Variants in LOC128462377 observed in about 807,000 individuals in gnomAD.
chr16:89,323,005 G>A, the LOC128462377 span: 18 of 296,400 alleles, frequency 6.1e-5, no homozygotes, highest in Admixed American at 1.4e-4. Context: ...CACCATGCCC[G>A]GCTAATTTCT....
chr16:89,372,596 T>C, the LOC128462377 span, among the ~76,000 whole-genome samples: 1 of 152,114 alleles, frequency 6.6e-6, no homozygotes, highest in African/African-American at 2.4e-5. Context: ...AAGATATTAA[T>C]ACTAAAAATT....
the LOC128462377 span, among the ~76,000 whole-genome samples, chr16:89,390,820 C>T: frequency 6.6e-6 from 1 of 152,190 alleles, no homozygotes; most frequent in African/African-American, 2.4e-5. Context: ...CTCTGCGCTG[C>T]TCCCCACATG....
At chr16:89,359,897 T>C in the LOC128462377 span, among the ~76,000 whole-genome samples, 1 of 152,170 alleles carries the variant, frequency 6.6e-6, no homozygotes, top group African/African-American at 2.4e-5. Flanking sequence ...ATAGTTTATA[T>C]GTTTTTTAAC....
the LOC128462377 span, among the ~76,000 whole-genome samples, chr16:89,336,968 G>C: frequency 2.1e-5 from 3 of 141,620 alleles, no homozygotes; most frequent in African/African-American, 7.8e-5. Context: ...TCAGGAGGTG[G>C]AGACTAGCCT....
the LOC128462377 span, among the ~76,000 whole-genome samples, chr16:89,345,528 T>A: frequency 6.6e-6 from 1 of 152,166 alleles, no homozygotes; most frequent in Non-Finnish European, 1.5e-5. Context: ...CTCTCCAACT[T>A]CCAGCTTCCA....
At chr16:89,328,966 G>C in the LOC128462377 span, 1 of 139,576 alleles carries the variant, frequency 7.2e-6, no homozygotes, top group Non-Finnish European at 1.5e-5. Context: ...CGAAATCAGT[G>C]GAGGCCCCTG....
the LOC128462377 span, chr16:89,323,860 T>A: frequency 2.3e-5 from 5 of 215,260 alleles, no homozygotes; most frequent in Non-Finnish European, 4.7e-5. Flanking sequence ...AACATGGGTG[T>A]CCTCCGTCTC....
chr16:89,408,714 G>A, the LOC128462377 span, among the ~76,000 whole-genome samples: 1 of 152,064 alleles, frequency 6.6e-6, no homozygotes, highest in Non-Finnish European at 1.5e-5. Flanking sequence ...TGGCCTCAGA[G>A]TCCCCGGGAC....
chr16:89,358,391 C>T, the LOC128462377 span, among the ~76,000 whole-genome samples: 22 of 152,354 alleles, frequency 1.4e-4, no homozygotes, highest in East Asian at 3.1e-3. Context: ...TTAGCGACCA[C>T]GTTTCAAAGA....
At chr16:89,355,194 G>T in the LOC128462377 span, among the ~76,000 whole-genome samples, 2 of 152,156 alleles carry the variant, frequency 1.3e-5, no homozygotes, top group Non-Finnish European at 2.9e-5. Flanking sequence ...ACCTATGCTG[G>T]TGATGCTCGG....
At chr16:89,321,586 T>G in the LOC128462377 span, among the ~76,000 whole-genome samples, 851 of 152,222 alleles carry the variant, frequency 5.6e-3, 10 homozygotes, top group African/African-American at 0.019. Flanking sequence ...ACGGGTCCCC[T>G]CGGGCCTTCT....
the LOC128462377 span, among the ~76,000 whole-genome samples, chr16:89,351,978 G>A: frequency 3.3e-5 from 5 of 152,240 alleles, no homozygotes; most frequent in East Asian, 5.8e-4. Context: ...TGGTGCGATC[G>A]TGGCTCACTG....
chr16:89,347,040 A>C, the LOC128462377 span, among the ~76,000 whole-genome samples: 1 of 152,148 alleles, frequency 6.6e-6, no homozygotes, highest in Non-Finnish European at 1.5e-5. Context: ...GCAGGAAGAG[A>C]AGGCTCTGCT....
At chr16:89,383,472 T>C in the LOC128462377 span, among the ~76,000 whole-genome samples, 1 of 152,246 alleles carries the variant, frequency 6.6e-6, no homozygotes, top group Non-Finnish European at 1.5e-5. Context: ...TGGGCTCATT[T>C]CTGTCTCATT....
At chr16:89,357,081 C>A in the LOC128462377 span, among the ~76,000 whole-genome samples, 4 of 152,140 alleles carry the variant, frequency 2.6e-5, no homozygotes, top group African/African-American at 9.7e-5. Flanking sequence ...AGCCAAAGGG[C>A]AGTGGTGGGG....
At chr16:89,326,053 AG>A in the LOC128462377 span, among the ~76,000 whole-genome samples, 1 of 152,228 alleles carries the variant, frequency 6.6e-6, no homozygotes, top group Admixed American at 6.5e-5. Flanking sequence ...GTGAAGACGA[AG>A]GGGAGGAGGA....
the LOC128462377 span, among the ~76,000 whole-genome samples, chr16:89,381,230 G>A: frequency 1.3e-5 from 2 of 151,928 alleles, no homozygotes; most frequent in Non-Finnish European, 2.9e-5. Flanking sequence ...CACTGGGGAG[G>A]CTGAGGCAGG....
chr16:89,361,908 G>A, the LOC128462377 span, among the ~76,000 whole-genome samples: 1 of 152,324 alleles, frequency 6.6e-6, no homozygotes, highest in East Asian at 1.9e-4. Flanking sequence ...GACAGTAAAG[G>A]TCAGACGGGG....
chr16:89,327,256 T>A, the LOC128462377 span, among the ~76,000 whole-genome samples: 1 of 152,280 alleles, frequency 6.6e-6, no homozygotes, highest in African/African-American at 2.4e-5. Flanking sequence ...AATCATTTGA[T>A]AAAATTCAAA....
Sources: allele counts gnomAD v4.1 joint callset (sites outside exome capture counted in the v4.1 genomes callset), GRCh38; gene constraint gnomAD v4.1.1; transcripts MANE v1.5.